The following KL variants were observed in gnomAD, a reference collection of about 807,000 sequenced individuals.
KL encodes alpha-klotho.
KL carries 62 observed loss-of-function variants against 84.2 expected under a neutral mutation model. That is an observed-to-expected ratio of 0.74 (90% CI 0.60 to 0.91). The LOEUF is 0.91. Among genes scored for constraint, KL ranks in the 40% least tolerant of loss-of-function variants. The pLI is 0.00. For missense variants in KL, 1,261 were observed against 1,305.7 expected, an observed-to-expected ratio of 0.97 and a Z score of 0.53; for synonymous variants, 528 against 528.0, an observed-to-expected ratio of 1.00 and a Z score of 0.00.
At chr13:33,047,997 T>TCG (rs1871600563) in intron 1 of KL, among the ~76,000 whole-genome samples, 1 of 152,172 alleles carries the variant, frequency 6.6e-6, no homozygotes. Context: ...TTCTCTGTTG[T>TCG]TATTCTCCAT....
chr13:33,019,876 A>T (rs939473803), intron 1 of KL, among the ~76,000 whole-genome samples: 3 of 151,984 alleles, frequency 2.0e-5, no homozygotes, highest in Non-Finnish European at 4.4e-5. Context: ...AGGAGGATGC[A>T]CCTTTTCTCT....
At chr13:33,052,632 A>T (rs1462718357) in intron 1 of KL, among the ~76,000 whole-genome samples, 2 of 152,214 alleles carry the variant, frequency 1.3e-5, no homozygotes, top group Admixed American at 1.3e-4. Context: ...CCATTCTTGG[A>T]TGCCTGTACT....
rs754598527 is a variant in KL at position 33,060,679 on chromosome 13, G to T, written c.1600G>T (p.Val534Leu). Residue 534 changes from valine (V) to leucine (L), a missense_variant and splice_region_variant, in exon 4 of 5, where the codon GTA becomes TTA. Physicochemically the swap from Val to Leu is conservative, Grantham distance 32. Transcript: ENST00000380099. The stretch of plus-strand genomic sequence containing the variant: ...CTAATGTTTACTCTGCCCTTCACAG[G>T]TAGATACCACTCTGTCTCAGTTTAC... ...AWGVVDNYIQ[V>L]DTTLSQFTDL... The T allele has an allele frequency of 6.2e-7, 1 of 1,614,030 alleles. No individual in the cohort carries two copies. The highest frequency in any genetic ancestry group is 1.3e-5 in the African/African-American group (1 of 74,912).
chr13:33,044,053 A>G (rs1175521919), intron 1 of KL, among the ~76,000 whole-genome samples: 1 of 152,116 alleles, frequency 6.6e-6, no homozygotes. Flanking sequence ...TTTTTCATAC[A>G]CTTTTCCAGT....
At position 33,053,876 on chromosome 13, in the gene KL, A is replaced by G. The variant is rs760758617; in HGVS notation, c.929A>G (p.Asp310Gly). 7 of 1,614,192 alleles carry G rather than the reference A, an allele frequency of 4.3e-6. No individual in the cohort carries two copies. Among genetic ancestry groups the G allele is most frequent in the East Asian group, 2.2e-5 (1 of 44,884 alleles). Reference sequence around the variant, plus strand: ...TGGATCAATCCTCGAAGAATGACCGACCACAGCATCAAAGAATGTCAAAAA... The same window carrying G: ...TGGATCAATCCTCGAAGAATGACCGGCCACAGCATCAAAGAATGTCAAAAA... ...SHWINPRRMT[D>G]HSIKECQKSL... Residue 310 changes from aspartate to glycine, a missense_variant, in exon 2 of 5, where the codon GAC becomes GGC. Physicochemically the swap from Asp to Gly is moderately conservative, Grantham distance 94 (BLOSUM62 -1). Coordinates refer to ENST00000380099, the MANE Select transcript of KL (RefSeq NM_004795.4).
At chr13:33,034,895 A>G (rs763424148) in intron 1 of KL, among the ~76,000 whole-genome samples, 7 of 152,182 alleles carry the variant, frequency 4.6e-5, no homozygotes, top group Non-Finnish European at 1.0e-4. Context: ...AATATACACC[A>G]TTGAAACAAA....
intron 1 of KL, among the ~76,000 whole-genome samples, chr13:33,045,780 A>G (rs1255989377): frequency 6.6e-6 from 1 of 152,182 alleles, no homozygotes; most frequent in East Asian, 1.9e-4. Context: ...CGCCCGGCCC[A>G]TAAATGCTTT....
intron 1 of KL, among the ~76,000 whole-genome samples, chr13:33,020,897 C>T (rs937181997): frequency 3.3e-5 from 5 of 152,174 alleles, no homozygotes; most frequent in Admixed American, 1.3e-4. Flanking sequence ...TTTTTCAAAT[C>T]CCACCTGTTC....
At chr13:33,016,349 G>T, upstream of KL, 1 of 152,322 alleles carries the variant, frequency 6.6e-6, no homozygotes, top group South Asian at 1.8e-4. Flanking sequence ...GGGGAGCGGG[G>T]GTGGGCGCGC....
Position 33,016,882 on chromosome 13 carries a change from C to T in KL, c.442C>T (p.Arg148Cys), listed in dbSNP as rs868310562. 9.9e-6 allele frequency: 16 copies of T among 1,612,552 alleles called. No homozygotes were observed. Among genetic ancestry groups the T allele is most frequent in the Non-Finnish European group, 1.4e-5 (16 of 1,179,818 alleles). Residue 148 changes from arginine (R) to cysteine (C), a missense_variant, in exon 1 of 5, where the codon CGC (arginine) becomes TGC (cysteine). Arg to Cys is a radical substitution (Grantham distance 180). Transcript: ENST00000380099. ...GCGCGAGCTCGGGGTCACTCACTAC[C>T]GCTTCTCCATCTCGTGGGCGCGAGT... ...ALRELGVTHYRFSISWARVLP... is the reference protein window; with the variant it reads ...ALRELGVTHYCFSISWARVLP...
chr13:33,019,111 C>G (rs1870478939), intron 1 of KL, among the ~76,000 whole-genome samples: 1 of 148,844 alleles, frequency 6.7e-6, no homozygotes, highest in African/African-American at 2.5e-5. Context: ...GCTCCATTTG[C>G]TGATGTTGCA....
chr13:33,044,635 A>ATTTTT (rs1871453892), intron 1 of KL, among the ~76,000 whole-genome samples: 3 of 72,282 alleles, frequency 4.2e-5, no homozygotes, highest in Admixed American at 2.1e-4. Context: ...AATGCAATTG[A>ATTTTT]TTTTCTTTTT....
Position 33,017,120 on chromosome 13 carries a change from T to C in KL, c.680T>C (p.Phe227Ser). 1 of 1,604,414 alleles carries C rather than the reference T, an allele frequency of 6.2e-7. No individual in the cohort carries two copies. The highest frequency in any genetic ancestry group is 8.5e-7 in the Non-Finnish European group (1 of 1,179,762). Residue 227 changes from phenylalanine (F) to serine (S), a missense_variant, in exon 1 of 5, where the codon TTC (phenylalanine) becomes TCC (serine). By Grantham distance (155) the Phe-to-Ser change is radical (BLOSUM62 -2). Transcript: ENST00000380099. Reference protein sequence around the residue: ...RDYAELCFRHFGGQVKYWITI... With the variant: ...RDYAELCFRHSGGQVKYWITI... ...TACGCGGAGCTCTGCTTCCGCCACT[T>C]CGGCGGTCAGGTCAAGTACTGGATC...
At chr13:33,019,765 A>G (rs2858984) in intron 1 of KL, among the ~76,000 whole-genome samples, 144,982 of 150,086 alleles carry the variant, frequency 0.97, 70,226 homozygotes, top group East Asian at 1. Context: ...GAGGAGACAG[A>G]AGAGAAGGAG....
intron 1 of KL, among the ~76,000 whole-genome samples, chr13:33,041,814 G>A (rs368098964): frequency 6.6e-6 from 1 of 152,172 alleles, no homozygotes; most frequent in East Asian, 1.9e-4. Flanking sequence ...GTCTTTTTTA[G>A]CATTCTTCAC....
rs1593806488 is a variant in KL, at chr13:33,053,243, G to A, written c.820-524G>A. On this transcript the variant is annotated intron_variant, in intron 1 of 4. Transcript: ENST00000380099. ...TTATTGTACTGATTCTTCTTGGGAA[G>A]AAAGAAGATTGCTTGTTAGAATTTT... Among the ~76,000 whole-genome samples the A allele has an allele frequency of 2.0e-5, 3 of 152,262 alleles. 1 individual carries two copies. Among genetic ancestry groups the A allele is most frequent in the African/African-American group, 7.2e-5 (3 of 41,552 alleles).
intron 1 of KL, among the ~76,000 whole-genome samples, chr13:33,027,966 T>A (rs1870839252): frequency 6.6e-6 from 1 of 152,210 alleles, no homozygotes; most frequent in Admixed American, 6.5e-5. Context: ...ATGATGTGTG[T>A]CCAACAACTA....
intron 1 of KL, among the ~76,000 whole-genome samples, chr13:33,052,457 A>G (rs149734700): frequency 2.6e-4 from 40 of 152,324 alleles, no homozygotes; most frequent in African/African-American, 8.7e-4. Context: ...TTGATTCTCT[A>G]TTTCCTTCTT....
Position 33,066,139 on chromosome 13 carries a change from A to AC in KL, c.*1953_*1954insC. The AC allele has an allele frequency of 5.9e-6, 1 of 168,624 alleles. No homozygotes were observed. Among genetic ancestry groups the AC allele is most frequent in the Non-Finnish European group, 1.3e-5 (1 of 77,408 alleles). 10.4% of individuals were successfully genotyped at this position (168,624 alleles called of 1,614,324 possible). ...CCTGCAACTTTTTGCCTTCTTTCAT[A>AC]ATCATATGAGTGGTTGCTAGCTAAT... On this transcript the variant is annotated 3_prime_UTR_variant, in exon 5 of 5. Coordinates refer to ENST00000380099, the MANE Select transcript of KL (RefSeq NM_004795.4).
Sources: allele counts gnomAD v4.1 joint callset (sites outside exome capture counted in the v4.1 genomes callset), GRCh38; gene constraint gnomAD v4.1.1; transcripts MANE v1.5; gene names NCBI Gene and HGNC (gene_info 2026-07-23, HGNC 2026-07-21).